Variants in MAP2K5 observed in about 807,000 individuals in gnomAD.
The protein encoded by MAP2K5 is dual specificity mitogen-activated protein kinase kinase 5.
A neutral mutation model predicts 83.1 loss-of-function variants in MAP2K5; 49 were observed. That is an observed-to-expected ratio of 0.59 (90% confidence interval 0.47 to 0.75). The LOEUF (loss-of-function observed/expected upper bound fraction) is 0.75, where lower values mean the gene tolerates loss of function less well. MAP2K5 is among the 30% of genes least tolerant of loss of function. The pLI is 0.00. For synonymous variants in MAP2K5, 202 were observed against 191.8 expected (o/e 1.05, Z -0.44); for missense variants, 457 against 557.5 (o/e 0.82, Z 1.82).
chr15:67,642,539 A>T, intron 9 of MAP2K5: 4 of 1,138,152 alleles, frequency 3.5e-6, no homozygotes, highest in Non-Finnish European at 4.0e-6. Flanking sequence ...AGCTGGGTCT[A>T]AAAGATAGAA....
rs942572300 is a variant in MAP2K5, at chr15:67,718,625, G to A, written c.1045-9291G>A. On this transcript the variant is annotated intron_variant, in intron 16 of 21. Coordinates refer to ENST00000178640, the MANE Select transcript of MAP2K5 (RefSeq NM_145160.3). ...CTAAAAATACAAAAATTAGCCAGGCGTGGTGGTATGCACCTGTAATCCAAG... is the reference window on the plus strand; with the variant it reads ...CTAAAAATACAAAAATTAGCCAGGCATGGTGGTATGCACCTGTAATCCAAG... 4.9e-4 allele frequency among the ~76,000 whole-genome samples: 75 copies of A among 152,076 alleles called. 1 individual carries two copies. Among genetic ancestry groups the A allele is most frequent in the Admixed American group, 4.8e-3 (73 of 15,258 alleles).
chr15:67,659,487 T>C (rs2087180680), intron 12 of MAP2K5: 2 of 152,114 alleles, frequency 1.3e-5, no homozygotes, highest in South Asian at 2.1e-4. Context: ...TTCTAATTAT[T>C]AGTGTGAAGT....
intron 13 of MAP2K5, among the ~76,000 whole-genome samples, chr15:67,672,346 A>G (rs2087562019): frequency 1.3e-5 from 2 of 151,904 alleles, no homozygotes; most frequent in African/African-American, 4.8e-5. Flanking sequence ...CTTTTTAATG[A>G]TCGCCATTCT....
intron 7 of MAP2K5, among the ~76,000 whole-genome samples, chr15:67,596,943 G>A (rs1411189402): frequency 6.6e-6 from 1 of 152,028 alleles, no homozygotes; most frequent in Non-Finnish European, 1.5e-5. Flanking sequence ...AGGCCGAGTC[G>A]GGCGGATCAC....
intron 16 of MAP2K5, among the ~76,000 whole-genome samples, chr15:67,713,525 C>T (rs1475559757): frequency 6.6e-6 from 1 of 152,206 alleles, no homozygotes; most frequent in Non-Finnish European, 1.5e-5. Flanking sequence ...CACCTGAGGT[C>T]GGGAGTTTGA....
In MAP2K5 at chr15:67,695,007, G is replaced by T. The variant is rs1220823572; in HGVS notation, c.972+1439G>T. Among the ~76,000 whole-genome samples the T allele has an allele frequency of 2.0e-5, 3 of 150,652 alleles. No homozygotes were observed. In the Admixed American group the frequency reaches 2.0e-4, roughly 10 times the overall value. Reference sequence around the variant, plus strand: ...CATCATTCTCAGTAAACTATTGCAAGAACAAAAAACCAAACACCACATATT... The same window carrying T: ...CATCATTCTCAGTAAACTATTGCAATAACAAAAAACCAAACACCACATATT... On this transcript the variant is annotated intron_variant, in intron 15 of 21. Coordinates refer to ENST00000178640, the MANE Select transcript of MAP2K5 (RefSeq NM_145160.3).
rs117011165 is a variant in MAP2K5, at chr15:67,711,358, G to A, written c.1044+7950G>A. On this transcript the variant is annotated intron_variant, in intron 16 of 21. Transcript: ENST00000178640. The stretch of plus-strand genomic sequence containing the variant: ...GAAGAAGAGCTTTCAGTTTACCAAG[G>A]TATCAGATCCAGATTTGAATTCCAC... Among the ~76,000 whole-genome samples, 16 of 152,260 alleles carry A rather than the reference G, an allele frequency of 1.1e-4. No homozygotes were observed. In the East Asian group the frequency reaches 2.7e-3, roughly 26 times the overall value.
rs2088863428 is a variant in MAP2K5, at chr15:67,717,825, G to C, written c.1045-10091G>C. ...GCTTAGACTTCCTTTGTGGTGCCTGGTGTTCTAAGCTGTGATTGCAAAAGC... is the reference window on the plus strand; with the variant it reads ...GCTTAGACTTCCTTTGTGGTGCCTGCTGTTCTAAGCTGTGATTGCAAAAGC... On this transcript the variant is annotated intron_variant, in intron 16 of 21. Transcript: ENST00000178640. This position sits in a 1 kb window ranked among gnomAD's most constrained non-coding sequence, Gnocchi z 4.1. 2.0e-5 allele frequency among the ~76,000 whole-genome samples: 3 copies of C among 152,120 alleles called. No homozygotes were observed. In the South Asian group the frequency reaches 6.2e-4, roughly 32 times the overall value.
At position 67,623,397 on chromosome 15, in the gene MAP2K5, A is replaced by C. The variant is rs2141071042; in HGVS notation, c.546-7491A>C. Among the ~76,000 whole-genome samples the C allele has an allele frequency of 1.3e-5, 2 of 152,336 alleles. 1 individual carries two copies. The highest frequency in any genetic ancestry group is 4.1e-4 in the South Asian group (2 of 4,830). ...CTCCAAAGTTGGTTCAACATGAAGTAATACTACGTGTTTAAGTTTTTCTTA... is the reference window on the plus strand; with the variant it reads ...CTCCAAAGTTGGTTCAACATGAAGTCATACTACGTGTTTAAGTTTTTCTTA... On this transcript the variant is annotated intron_variant, in intron 8 of 21. Coordinates refer to ENST00000178640, the MANE Select transcript of MAP2K5 (RefSeq NM_145160.3).
At chr15:67,608,161 A>G (rs542491970) in intron 8 of MAP2K5, among the ~76,000 whole-genome samples, 9 of 152,284 alleles carry the variant, frequency 5.9e-5, no homozygotes, top group East Asian at 3.9e-4. Flanking sequence ...TCTAATTTCC[A>G]TTTGAATCTA....
chr15:67,733,758 A>G (rs2089277223), intron 17 of MAP2K5, among the ~76,000 whole-genome samples: 1 of 152,240 alleles, frequency 6.6e-6, no homozygotes, highest in Admixed American at 6.5e-5. Context: ...AAATCCCAAT[A>G]CAAGTTAAAC....
In MAP2K5 at chr15:67,806,873, C is replaced by T. The variant is rs769225420; in HGVS notation, c.*123C>T. On this transcript the variant is annotated 3_prime_UTR_variant, in exon 22 of 22. Coordinates refer to ENST00000178640, the MANE Select transcript of MAP2K5 (RefSeq NM_145160.3). ...CTGGGCCCTGGCTTCCCTGCCCTCG[C>T]CTTCACCTCTGTCAGCAGGTGGCCT... 1 of 1,595,226 alleles carries T rather than the reference C, an allele frequency of 6.3e-7. No homozygotes were observed. Among genetic ancestry groups the T allele is most frequent in the African/African-American group, 1.3e-5 (1 of 75,004 alleles).
At chr15:67,630,093 G>C (rs1384493738) in intron 8 of MAP2K5, among the ~76,000 whole-genome samples, 1 of 152,186 alleles carries the variant, frequency 6.6e-6, no homozygotes, top group East Asian at 1.9e-4. Context: ...GTAAAAAGTA[G>C]CATGGTGGCA....
In MAP2K5 at chr15:67,629,470, A is replaced by T. The variant is rs984874459; in HGVS notation, c.546-1418A>T. Among the ~76,000 whole-genome samples, 41 of 151,776 alleles carry T rather than the reference A, an allele frequency of 2.7e-4. 1 individual carries two copies. Among genetic ancestry groups the T allele is most frequent in the African/African-American group, 9.7e-4 (40 of 41,304 alleles). On this transcript the variant is annotated intron_variant, in intron 8 of 21. Coordinates refer to ENST00000178640, the MANE Select transcript of MAP2K5 (RefSeq NM_145160.3). Reference sequence around the variant, plus strand: ...ATGATGCTGAATAAATGTCTTTTTTAAAAAAATATTTGTCAGAGCAACCAA... The same window carrying T: ...ATGATGCTGAATAAATGTCTTTTTTTAAAAAATATTTGTCAGAGCAACCAA...
In MAP2K5 at chr15:67,690,713, T is replaced by C. The variant is rs1050266289; in HGVS notation, c.848-1766T>C. On this transcript the variant is annotated intron_variant, in intron 13 of 21. Transcript: ENST00000178640. This position sits in a 1 kb window ranked among gnomAD's most constrained non-coding sequence, Gnocchi z 4.3. ...CACGCCCGGCTAATTTTTGTATTTTTAGTAGAGATGAGGTTTTGCCATGTT... is the reference window on the plus strand; with the variant it reads ...CACGCCCGGCTAATTTTTGTATTTTCAGTAGAGATGAGGTTTTGCCATGTT... Among the ~76,000 whole-genome samples, 9 of 152,062 alleles carry C rather than the reference T, an allele frequency of 5.9e-5. No homozygotes were observed. Among genetic ancestry groups the C allele is most frequent in the Admixed American group, 3.3e-4 (5 of 15,266 alleles).
intron 6 of MAP2K5, among the ~76,000 whole-genome samples, chr15:67,589,622 A>G (rs1179111205): frequency 6.6e-6 from 1 of 152,242 alleles, no homozygotes; most frequent in African/African-American, 2.4e-5. Context: ...TCAAAATGTT[A>G]TTAATTCAAG....
intron 17 of MAP2K5, among the ~76,000 whole-genome samples, chr15:67,734,534 G>C (rs2089296032): frequency 6.6e-6 from 1 of 152,082 alleles, no homozygotes; most frequent in Non-Finnish European, 1.5e-5. Context: ...TGAAGTACTA[G>C]AGTTTTTACA....
At chr15:67,694,267 A>T (rs371645345) in intron 15 of MAP2K5, among the ~76,000 whole-genome samples, 29 of 152,318 alleles carry the variant, frequency 1.9e-4, no homozygotes, top group African/African-American at 7.0e-4. Context: ...AAAATTAAAC[A>T]GGAAACTTAT....
chr15:67,625,988 C>T lies in MAP2K5; in HGVS notation c.546-4900C>T, dbSNP rs543843455. 2.0e-5 allele frequency among the ~76,000 whole-genome samples: 3 copies of T among 152,210 alleles called. No individual in the cohort carries two copies. The East Asian group carries it at 5.8e-4, about 29-fold the overall frequency. On this transcript the variant is annotated intron_variant, in intron 8 of 21. Transcript: ENST00000178640. ...TATCGCTGCTGCTGGTCTCAAACGT[C>T]CAGGTGTTGCTTATTCGAAGTAACA...
Sources: allele counts gnomAD v4.1 joint callset (sites outside exome capture counted in the v4.1 genomes callset), GRCh38; gene constraint gnomAD v4.1.1; non-coding constraint Gnocchi (gnomAD v3.1); transcripts MANE v1.5; gene names NCBI Gene and HGNC (gene_info 2026-07-23, HGNC 2026-07-21).